The following ADAP1 variants were observed in gnomAD, a reference collection of about 807,000 sequenced individuals.
ADAP1 encodes arf-GAP with dual PH domain-containing protein 1.
Under a neutral mutation model 54.9 loss-of-function variants are expected in ADAP1, and 31 were observed. That is an observed-to-expected ratio of 0.56 (90% CI 0.42 to 0.76). ADAP1 has a LOEUF of 0.76. Ranked by LOEUF, ADAP1 falls within the 30% of genes least tolerant of loss-of-function variation. The pLI, the probability that ADAP1 is intolerant of heterozygous loss-of-function variation, is 0.00. For missense variants in ADAP1, 535 were observed against 512.4 expected, an observed-to-expected ratio of 1.04 and a Z score of -0.42; for synonymous variants, 313 against 202.6, an observed-to-expected ratio of 1.55 and a Z score of -4.63.
intron 2 of ADAP1, among the ~76,000 whole-genome samples, chr7:928,008 G>C (rs1399336175): frequency 2.7e-5 from 4 of 149,754 alleles, no homozygotes; most frequent in African/African-American, 7.4e-5. Flanking sequence ...TTGAGCCCAG[G>C]AGTTCAAGAC....
intron 2 of ADAP1, among the ~76,000 whole-genome samples, chr7:931,311 T>A (rs565107622): frequency 6.6e-6 from 1 of 152,148 alleles, no homozygotes. Flanking sequence ...ATACATTAAA[T>A]AAGGTAGAGA....
chr7:950,813 C>T lies in ADAP1; in HGVS notation c.82+3583G>A, dbSNP rs571100602. ...CAGAGGTTGCAGTGAGCTGAAATGG[C>T]GCCACTGCATTCCAGCCTTGGGAAC... On this transcript the variant is annotated intron_variant, in intron 1 of 10. Transcript: ENST00000265846. Among the ~76,000 whole-genome samples the T allele has an allele frequency of 3.2e-4, 44 of 137,752 alleles. 1 individual carries two copies. The highest frequency in any genetic ancestry group is 6.1e-4 in the Non-Finnish European group (40 of 65,588). The allele number at this position is 137,752 out of a possible 152,430, so 90.4% of individuals were successfully genotyped here. A position where few individuals can be genotyped will look rare whatever the true frequency, so the allele number is the denominator to read the frequency against.
chr7:924,566 C>G (rs998120238), intron 3 of ADAP1, among the ~76,000 whole-genome samples: 1 of 147,734 alleles, frequency 6.8e-6, no homozygotes, highest in Admixed American at 6.8e-5. Context: ...CCACGCTGCA[C>G]CCCCCGCCCT....
At chr7:912,925 T>C in intron 4 of ADAP1, among the ~76,000 whole-genome samples, 1 of 152,208 alleles carries the variant, frequency 6.6e-6, no homozygotes, top group East Asian at 1.9e-4. Flanking sequence ...CACAGCTCAC[T>C]GCAGTCTTGA....
intron 1 of ADAP1, among the ~76,000 whole-genome samples, chr7:941,528 T>C (rs921313464): frequency 6.6e-6 from 1 of 152,096 alleles, no homozygotes; most frequent in Non-Finnish European, 1.5e-5. Flanking sequence ...CATTCAGAAA[T>C]TGAACATTTA....
rs577898200 is a variant in ADAP1, at chr7:931,026, G to A, written c.213+4349C>T. Reference sequence around the variant, plus strand: ...GGAAGGAAGGAAGGAGGGTAGGGAGGGACGGAGGGACTGAGGGAGGGAGGG... The same window carrying A: ...GGAAGGAAGGAAGGAGGGTAGGGAGAGACGGAGGGACTGAGGGAGGGAGGG... On this transcript the variant is annotated intron_variant, in intron 2 of 10. Coordinates refer to ENST00000265846, the MANE Select transcript of ADAP1 (RefSeq NM_006869.4). 4.5e-3 allele frequency among the ~76,000 whole-genome samples: 673 copies of A among 150,714 alleles called. 6 individuals are homozygous for A. The highest frequency in any genetic ancestry group is 0.017 in the Middle Eastern group (5 of 292).
chr7:905,405 GAGAAAGGGAGAAAGA>G lies in ADAP1; in HGVS notation c.389-248_389-234del, dbSNP rs1562911707. On this transcript the variant is annotated intron_variant, in intron 4 of 10. Transcript: ENST00000265846. ...AAAGGAGAAAGGAGAAAGGAGAAAG[GAGAAAGGGAGAAAGA>G]GAAAGGAGAAAGGAGAAAGGGAGAA... is the stretch of plus-strand genomic sequence containing the variant. 41 of 215,586 alleles carry G rather than the reference GAGAAAGGGAGAAAGA, an allele frequency of 1.9e-4. 5 individuals are homozygous for G. The highest frequency in any genetic ancestry group is 1.4e-3 in the Admixed American group (22 of 15,502). The allele number at this position is 215,586 out of a possible 1,614,324, so 13.4% of individuals were successfully genotyped here. A position where few individuals can be genotyped will look rare whatever the true frequency, so the allele number is the denominator to read the frequency against.
chr7:910,097 G>A (rs1156436150), intron 4 of ADAP1, among the ~76,000 whole-genome samples: 1 of 152,180 alleles, frequency 6.6e-6, no homozygotes, highest in Non-Finnish European at 1.5e-5. Context: ...CTGTGGGCGG[G>A]GACGCCGGCC....
chr7:906,313 GA>G (rs757543480), intron 4 of ADAP1, among the ~76,000 whole-genome samples: 2 of 39,558 alleles, frequency 5.1e-5, no homozygotes, highest in Admixed American at 2.8e-4. Flanking sequence ...AAGGAGAAAG[GA>G]GAAAGGAGAA....
chr7:942,752 G>T (rs1583184842), intron 1 of ADAP1, among the ~76,000 whole-genome samples: 1 of 37,020 alleles, frequency 2.7e-5, no homozygotes, highest in African/African-American at 1.2e-4. Context: ...GGAGAGAGGA[G>T]GAGGAAGGGA....
In ADAP1 at chr7:953,722, C is replaced by T. The variant is rs568846912; in HGVS notation, c.82+674G>A. Among the ~76,000 whole-genome samples the T allele has an allele frequency of 9.5e-4, 144 of 152,354 alleles. 1 individual carries two copies. The highest frequency in any genetic ancestry group is 4.6e-4 in the Non-Finnish European group (31 of 68,032). On this transcript the variant is annotated intron_variant, in intron 1 of 10. Coordinates refer to ENST00000265846, the MANE Select transcript of ADAP1 (RefSeq NM_006869.4). ...AGTGGCCTGGAAGGGAGGGACTCCG[C>T]GCCTTTGGACTCCAGTGCCTTGAAA...
chr7:940,315 G>C (rs73254070), intron 1 of ADAP1, among the ~76,000 whole-genome samples: 1 of 144,466 alleles, frequency 6.9e-6, no homozygotes, highest in African/African-American at 2.6e-5. Flanking sequence ...TCCAGCCTGG[G>C]TGTCACAGAC....
chr7:946,734 G>A lies in ADAP1; in HGVS notation c.82+7662C>T, dbSNP rs1221117858. 2.6e-5 allele frequency among the ~76,000 whole-genome samples: 4 copies of A among 152,214 alleles called. No homozygotes were observed. Among genetic ancestry groups the A allele is most frequent in the South Asian group, 2.1e-4 (1 of 4,828 alleles). Reference sequence around the variant, plus strand: ...CCTCGCACAGGGCCGACTCCTCTGCGGCCCATCTGGTCTCTCGGCTGTCAA... The same window carrying A: ...CCTCGCACAGGGCCGACTCCTCTGCAGCCCATCTGGTCTCTCGGCTGTCAA... On this transcript the variant is annotated intron_variant, in intron 1 of 10. Coordinates refer to ENST00000265846, the MANE Select transcript of ADAP1 (RefSeq NM_006869.4). This position sits in a 1 kb window ranked among gnomAD's most constrained non-coding sequence, Gnocchi z 4.3.
intron 1 of ADAP1, among the ~76,000 whole-genome samples, chr7:943,798 G>C (rs1445191477): frequency 1.7e-5 from 2 of 119,666 alleles, no homozygotes; most frequent in East Asian, 5.1e-4. Flanking sequence ...GGGAGGAGGA[G>C]GAAGGGAGAG....
chr7:927,345 C>A, intron 2 of ADAP1: 1 of 874,126 alleles, frequency 1.1e-6, no homozygotes, highest in South Asian at 1.6e-5. Context: ...TGGCAATGAC[C>A]CTGCCGCCAG....
intron 2 of ADAP1, chr7:927,033 G>A (rs973768192): frequency 5.6e-6 from 7 of 1,257,760 alleles, no homozygotes; most frequent in Admixed American, 2.9e-5. Context: ...GGGCTTCCTC[G>A]TTCACCCAGC....
chr7:914,368 C>T (rs1002636608), intron 4 of ADAP1, among the ~76,000 whole-genome samples: 1 of 152,222 alleles, frequency 6.6e-6, no homozygotes, highest in African/African-American at 2.4e-5. Flanking sequence ...TGATAAAGGG[C>T]TCTGGTGGCA....
intron 2 of ADAP1, among the ~76,000 whole-genome samples, chr7:933,360 T>C (rs1191952776): frequency 6.6e-6 from 1 of 151,918 alleles, no homozygotes; most frequent in African/African-American, 2.4e-5. Context: ...CCACACCTGG[T>C]CGAGGCACTG....
At chr7:919,690 GAGAT>G (rs1157290071) in intron 4 of ADAP1, among the ~76,000 whole-genome samples, 1 of 65,838 alleles carries the variant, frequency 1.5e-5, no homozygotes, top group Admixed American at 1.5e-4. Flanking sequence ...GAGAGAGAGA[GAGAT>G]AAAGACAGGG....
Sources: gnomAD v4.1 joint callset for allele counts (sites outside exome capture counted in the v4.1 genomes callset) on GRCh38, gnomAD v4.1.1 for gene constraint, Gnocchi (gnomAD v3.1) non-coding constraint, MANE v1.5 for transcripts, NCBI Gene and HGNC (gene_info 2026-07-23, HGNC 2026-07-21) for gene names.